Variants in SLC35F4 observed in about 807,000 individuals in gnomAD.
SLC35F4 encodes the protein solute carrier family 35 member F4, also known as chromosome 14 open reading frame 36.
SLC35F4 carries 24 observed loss-of-function variants against 44.2 expected under a neutral mutation model. The ratio of observed to expected loss-of-function variants is 0.54; its 90% confidence interval spans 0.39 to 0.76. SLC35F4 has a LOEUF of 0.76. Among genes scored for constraint, SLC35F4 ranks in the 30% least tolerant of loss-of-function variants. SLC35F4 has a pLI of 0.00. For missense variants in SLC35F4, 562 were observed against 586.1 expected (o/e 0.96, Z 0.42); for synonymous variants, 238 against 223.6 (o/e 1.06, Z -0.57).
intron 1 of SLC35F4, among the ~76,000 whole-genome samples, chr14:57,628,258 T>G (rs1457866444): frequency 3.3e-4 from 43 of 130,524 alleles, no homozygotes; most frequent in African/African-American, 1.1e-3. Context: ...TTTTTTTTTT[T>G]GCCATTTTAC....
intron 1 of SLC35F4, among the ~76,000 whole-genome samples, chr14:57,831,249 G>A (rs1404732233): frequency 6.6e-6 from 1 of 152,130 alleles, no homozygotes; most frequent in African/African-American, 2.4e-5. Flanking sequence ...TGCCATGTGA[G>A]AATATAGTGA....
chr14:57,960,145 G>C (rs1594654724), intron 1 of SLC35F4, among the ~76,000 whole-genome samples: 1 of 152,350 alleles, frequency 6.6e-6, no homozygotes, highest in South Asian at 2.1e-4. Context: ...TAAGGGTTAT[G>C]TGTGAGCCAC....
intron 1 of SLC35F4, among the ~76,000 whole-genome samples, chr14:57,622,709 A>G (rs2072254268): frequency 6.6e-6 from 1 of 152,258 alleles, no homozygotes; most frequent in Non-Finnish European, 1.5e-5. Flanking sequence ...TGGGAGATAT[A>G]CCTAATGCTA....
intron 1 of SLC35F4, among the ~76,000 whole-genome samples, chr14:57,767,537 T>C (rs975315505): frequency 6.6e-6 from 1 of 152,090 alleles, no homozygotes; most frequent in African/African-American, 2.4e-5. Context: ...AGGATACAGT[T>C]AAAGCAGTGT....
chr14:57,720,482 A>G (rs1216685470), intron 1 of SLC35F4, among the ~76,000 whole-genome samples: 1 of 152,028 alleles, frequency 6.6e-6, no homozygotes, highest in Non-Finnish European at 1.5e-5. Context: ...TTACTGGGAG[A>G]TGTTTTATTA....
chr14:57,851,451 A>C (rs1595213134), intron 1 of SLC35F4, among the ~76,000 whole-genome samples: 1 of 152,186 alleles, frequency 6.6e-6, no homozygotes, highest in Non-Finnish European at 1.5e-5. Flanking sequence ...CAACATGTTA[A>C]ACATAGAAAT....
At position 57,865,595 on chromosome 14, in the gene SLC35F4, C is replaced by A. The variant is rs1888090949; in HGVS notation, c.103+128G>T. On this transcript the variant is annotated intron_variant, in intron 1 of 7. Transcript: ENST00000556826. ...CGGGGGGTCCCCGCCGCCAGGAAGG[C>A]GGTGTTGACAGCGTCCGCAGGGCTG... 13 of 679,622 alleles carry A rather than the reference C, an allele frequency of 1.9e-5. No homozygotes were observed. In the South Asian group the frequency reaches 2.8e-4, roughly 15 times the overall value. The allele number at this position is 679,622 out of a possible 1,614,324, so 42.1% of individuals were successfully genotyped here.
In SLC35F4 at chr14:57,649,423, T is replaced by C. The variant is rs1176002137; in HGVS notation, c.104-55299A>G. 2.6e-5 allele frequency among the ~76,000 whole-genome samples: 4 copies of C among 152,166 alleles called. No homozygotes were observed. The East Asian group carries it at 7.7e-4, about 29-fold the overall frequency. The stretch of plus-strand genomic sequence containing the variant: ...GCTCATGATCCCCTATCACCCCTGC[T>C]TTTGTCTTCACATCTCCATCTCTGA... On this transcript the variant is annotated intron_variant, in intron 1 of 7. Transcript: ENST00000556826.
intron 1 of SLC35F4, among the ~76,000 whole-genome samples, chr14:57,920,428 C>T (rs1889419312): frequency 1.3e-5 from 2 of 152,102 alleles, no homozygotes; most frequent in South Asian, 4.1e-4. Context: ...AAAAAATTAG[C>T]CAGGCATGGT....
At chr14:57,868,754 G>A (rs1173401413), upstream of SLC35F4, among the ~76,000 whole-genome samples, 6 of 152,158 alleles carry the variant, frequency 3.9e-5, no homozygotes, top group Non-Finnish European at 7.3e-5. Flanking sequence ...ATGAGCCACC[G>A]TGCCCGGCGG....
intron 1 of SLC35F4, among the ~76,000 whole-genome samples, chr14:57,697,220 G>C (rs2075409462): frequency 6.6e-6 from 1 of 151,722 alleles, no homozygotes; most frequent in Non-Finnish European, 1.5e-5. Context: ...CTTTCTCTTT[G>C]ATACATTGGT....
chr14:57,709,872 A>C (rs2075774530), intron 1 of SLC35F4, among the ~76,000 whole-genome samples: 1 of 152,206 alleles, frequency 6.6e-6, no homozygotes, highest in Admixed American at 6.5e-5. Context: ...ATGGGAACTT[A>C]TGTTTTAAAG....
chr14:57,662,794 C>G (rs2074180891), intron 1 of SLC35F4, among the ~76,000 whole-genome samples: 1 of 152,158 alleles, frequency 6.6e-6, no homozygotes, highest in Admixed American at 6.5e-5. Flanking sequence ...ACTCATTCTC[C>G]ATCCTTTTCC....
In SLC35F4 at chr14:57,695,059, T is replaced by C. The variant is rs1039749754; in HGVS notation, c.104-100935A>G. Among the ~76,000 whole-genome samples the C allele has an allele frequency of 2.6e-5, 4 of 152,124 alleles. 1 individual carries two copies. On this transcript the variant is annotated intron_variant, in intron 1 of 7. Transcript: ENST00000556826. ...GACTTAAATGTTAGACCTAAAACCA[T>C]AAAAACCCTAGAAGAAAACCTAGGC... is the stretch of plus-strand genomic sequence containing the variant.
intron 1 of SLC35F4, among the ~76,000 whole-genome samples, chr14:57,772,903 C>G (rs1188783169): frequency 6.6e-6 from 1 of 152,114 alleles, no homozygotes; most frequent in African/African-American, 2.4e-5. Flanking sequence ...AATGGTAGTT[C>G]TATTTTTAGT....
intron 3 of SLC35F4, among the ~76,000 whole-genome samples, chr14:57,585,803 C>A (rs1483937250): frequency 1.3e-5 from 2 of 152,110 alleles, no homozygotes; most frequent in African/African-American, 2.4e-5. Context: ...CATCAACAAA[C>A]CACTGCTCAA....
intron 1 of SLC35F4, among the ~76,000 whole-genome samples, chr14:57,884,051 G>T (rs1386209973): frequency 6.6e-6 from 1 of 151,988 alleles, no homozygotes; most frequent in Non-Finnish European, 1.5e-5. Flanking sequence ...CCAAATTATA[G>T]CCCCAGGTTT....
chr14:57,830,432 T>C (rs1300132071), intron 1 of SLC35F4, among the ~76,000 whole-genome samples: 2 of 152,200 alleles, frequency 1.3e-5, no homozygotes, highest in Non-Finnish European at 2.9e-5. Flanking sequence ...AAATACTTCT[T>C]ACAGTCTAAG....
intron 1 of SLC35F4, among the ~76,000 whole-genome samples, chr14:57,661,378 C>T (rs2074132101): frequency 6.6e-6 from 1 of 152,166 alleles, no homozygotes; most frequent in African/African-American, 2.4e-5. Context: ...CCTGACGGAT[C>T]ATGCTCTCAA....
Sources: gnomAD v4.1 joint callset for allele counts (sites outside exome capture counted in the v4.1 genomes callset) on GRCh38, gnomAD v4.1.1 for gene constraint, MANE v1.5 for transcripts, NCBI Gene and HGNC (gene_info 2026-07-23, HGNC 2026-07-21) for gene names.